SCN11A: variants seen among roughly 807,000 people sequenced by gnomAD.
SCN11A encodes sodium voltage-gated channel alpha subunit 11.
Under a neutral mutation model 162.2 loss-of-function variants are expected in SCN11A, and 122 were observed. The ratio of observed to expected loss-of-function variants is 0.75; its 90% CI spans 0.65 to 0.87. SCN11A has a LOEUF of 0.87. Ranked by LOEUF, SCN11A falls within the 40% of genes least tolerant of loss-of-function variation. SCN11A has a pLI of 0.00. For missense variants in SCN11A, 2,015 were observed against 2,181.6 expected (o/e 0.92, Z 1.52); for synonymous variants, 758 against 751.5 (o/e 1.01, Z -0.14).
chr3:38,894,564 T>C lies in SCN11A; in HGVS notation c.2804A>G (p.Gln935Arg). 6.2e-7 allele frequency: 1 copy of C among 1,612,952 alleles called. No individual in the cohort carries two copies. The highest frequency in any genetic ancestry group is 8.5e-7 in the Non-Finnish European group (1 of 1,179,398). The stretch of plus-strand genomic sequence containing the variant: ...TTCAGGCTCAGGTTGTGTGATGCGC[T>C]GTGCATTATCTTCACCAGAAAATTC... ...DVEFSGEDNA[Q>R]RITQPEPEQQ... is the part of the protein sequence containing the mutation. The change falls in exon 19 of 30, where the codon CAG (glutamine) becomes CGG (arginine). Residue 935 changes from glutamine (Q) to arginine (R), a missense_variant. Physicochemically the swap from Gln to Arg is conservative, Grantham distance 43 (BLOSUM62 1). Coordinates refer to ENST00000302328, the MANE Select transcript of SCN11A (RefSeq NM_001349253.2).
chr3:38,963,837 G>A (rs1472548163), intron 2 of SCN11A, among the ~76,000 whole-genome samples: 1 of 152,082 alleles, frequency 6.6e-6, no homozygotes, highest in African/African-American at 2.4e-5. Flanking sequence ...ACTTACTCAT[G>A]TAACCAAATA....
chr3:38,962,802 C>T (rs1229200900), intron 2 of SCN11A, among the ~76,000 whole-genome samples: 1 of 151,962 alleles, frequency 6.6e-6, no homozygotes, highest in African/African-American at 2.4e-5. Context: ...GAGCAGATAT[C>T]ATGCCACTTC....
At chr3:38,952,947 G>A (rs1394772216) in intron 4 of SCN11A, among the ~76,000 whole-genome samples, 2 of 152,206 alleles carry the variant, frequency 1.3e-5, no homozygotes, top group Non-Finnish European at 2.9e-5. Context: ...GTAATCTTTG[G>A]TAAAGATCAT....
At chr3:38,910,948 C>A (rs74333929) in intron 11 of SCN11A, among the ~76,000 whole-genome samples, 1 of 152,084 alleles carries the variant, frequency 6.6e-6, no homozygotes, top group African/African-American at 2.4e-5. Context: ...CAAAGTAATA[C>A]ATGCACATGG....
At chr3:39,030,615 G>A (rs2031723493) in intron 2 of SCN11A, among the ~76,000 whole-genome samples, 2 of 152,066 alleles carry the variant, frequency 1.3e-5, no homozygotes, top group South Asian at 2.1e-4. Context: ...TTAATAATGC[G>A]ACATCCAATT....
At chr3:38,870,918 G>A (rs1230339135) in intron 25 of SCN11A, among the ~76,000 whole-genome samples, 174 bp from the exon 26 acceptor site, 2 of 152,172 alleles carry the variant, frequency 1.3e-5, no homozygotes, top group African/African-American at 4.8e-5. Context: ...AAGGGTGTGT[G>A]TCTTGGATTT....
intron 16 of SCN11A, among the ~76,000 whole-genome samples, chr3:38,903,167 A>G (rs967468044): frequency 2.0e-5 from 3 of 152,214 alleles, no homozygotes; most frequent in African/African-American, 7.2e-5. Flanking sequence ...CCATCAGCTA[A>G]TTAGGGTAGA....
intron 28 of SCN11A, among the ~76,000 whole-genome samples, chr3:38,852,288 A>G (rs376008878): frequency 2.1e-4 from 32 of 152,302 alleles, no homozygotes; most frequent in East Asian, 1.7e-3. Context: ...AGAAGACACT[A>G]GAAAGTCAAG....
chr3:39,010,378 C>CTTTTTTTTTTTTT (rs201494677), intron 2 of SCN11A, among the ~76,000 whole-genome samples: 1 of 120,752 alleles, frequency 8.3e-6, no homozygotes. Flanking sequence ...TTTAGTTTTT[C>CTTTTTTTTTTTTT]TTTTTTCTTT....
At chr3:39,042,634 G>A (rs1383571880) in intron 1 of SCN11A, among the ~76,000 whole-genome samples, 5 of 151,980 alleles carry the variant, frequency 3.3e-5, no homozygotes, top group Admixed American at 1.3e-4. Context: ...CACTTCTATA[G>A]GGAAAAAAAA....
intron 1 of SCN11A, among the ~76,000 whole-genome samples, chr3:39,033,925 G>A (rs537204565): frequency 6.6e-6 from 1 of 152,246 alleles, no homozygotes; most frequent in East Asian, 1.9e-4. Flanking sequence ...AGCACTTTGG[G>A]AGGCCAAGGT....
chr3:38,944,826 G>A (rs1042160355), intron 7 of SCN11A, among the ~76,000 whole-genome samples: 26 of 151,922 alleles, frequency 1.7e-4, no homozygotes, highest in Admixed American at 5.2e-4. Flanking sequence ...GGCTGGGCAC[G>A]GTGGCAGGCG....
chr3:39,036,068 T>A (rs2031897606), intron 1 of SCN11A, among the ~76,000 whole-genome samples: 1 of 152,240 alleles, frequency 6.6e-6, no homozygotes, highest in South Asian at 2.1e-4. Flanking sequence ...GAAACTTGAT[T>A]GGCATAGTGC....
At chr3:39,051,149 G>A (rs914370370) in intron 1 of SCN11A, among the ~76,000 whole-genome samples, 2 of 151,758 alleles carry the variant, frequency 1.3e-5, no homozygotes, top group African/African-American at 2.4e-5. Flanking sequence ...TTAAGTTCAG[G>A]GGTACAAGTG....
intron 19 of SCN11A, among the ~76,000 whole-genome samples, chr3:38,887,771 C>T (rs1264063704): frequency 1.3e-5 from 2 of 152,084 alleles, no homozygotes; most frequent in East Asian, 1.9e-4. Context: ...AGCAGCCGGA[C>T]GGATCCTTTT....
intron 2 of SCN11A, among the ~76,000 whole-genome samples, chr3:38,993,094 G>A (rs72855802): frequency 0.054 from 8,296 of 152,264 alleles, 704 homozygotes; most frequent in African/African-American, 0.18. Flanking sequence ...TGGTTCTCTC[G>A]AGGCATTCCT....
intron 2 of SCN11A, among the ~76,000 whole-genome samples, chr3:39,005,682 T>C (rs1350375044): frequency 6.6e-6 from 1 of 152,226 alleles, no homozygotes; most frequent in Non-Finnish European, 1.5e-5. Flanking sequence ...TCCATATTTT[T>C]TTATTTTAAA....
intron 15 of SCN11A, among the ~76,000 whole-genome samples, 165 bp from the exon 16 acceptor site, chr3:38,904,268 G>A (rs181769067): frequency 1.1e-4 from 17 of 152,260 alleles, no homozygotes; most frequent in South Asian, 2.1e-4. Context: ...ACCAATCTTA[G>A]TGCAGAAGAG....
At chr3:38,945,903 C>T (rs1470260726) in intron 6 of SCN11A, among the ~76,000 whole-genome samples, 1 of 152,180 alleles carries the variant, frequency 6.6e-6, no homozygotes, top group Non-Finnish European at 1.5e-5. Context: ...CTCCAGAAAG[C>T]ACTCCTCTGT....
Sources: allele counts gnomAD v4.1 joint callset (sites outside exome capture counted in the v4.1 genomes callset), GRCh38; gene constraint gnomAD v4.1.1; transcripts MANE v1.5; gene names NCBI Gene and HGNC (gene_info 2026-07-23, HGNC 2026-07-21).